RASGEF1C: variants seen among roughly 807,000 people sequenced by gnomAD.
The protein encoded by RASGEF1C is ras-GEF domain-containing family member 1C.
A neutral mutation model predicts 58.1 loss-of-function variants in RASGEF1C; 27 were observed. The observed-to-expected ratio is 0.46, with a 90% CI of 0.34 to 0.64. The LOEUF is 0.64. Ranked by LOEUF, RASGEF1C falls within the 30% of genes least tolerant of loss-of-function variation. RASGEF1C has a pLI of 0.01. For missense variants in RASGEF1C, 502 were observed against 605.1 expected, an observed-to-expected ratio of 0.83 and a Z score of 1.79; for synonymous variants, 243 against 246.3, an observed-to-expected ratio of 0.99 and a Z score of 0.13.
chr5:180,115,869 G>C (rs774108079), intron 10 of RASGEF1C, among the ~76,000 whole-genome samples: 1 of 152,124 alleles, frequency 6.6e-6, no homozygotes, highest in Non-Finnish European at 1.5e-5. Context: ...TCAGTGGTGG[G>C]GGGGGATTGT....
At chr5:180,142,703 G>T (rs1352776321) in intron 1 of RASGEF1C, among the ~76,000 whole-genome samples, 2 of 152,110 alleles carry the variant, frequency 1.3e-5, no homozygotes, top group South Asian at 2.1e-4. Flanking sequence ...AGGAGAGAAA[G>T]GTGCGGATGG....
chr5:180,186,802 C>T (rs1756050765), intron 1 of RASGEF1C, among the ~76,000 whole-genome samples: 1 of 152,140 alleles, frequency 6.6e-6, no homozygotes, highest in African/African-American at 2.4e-5. Flanking sequence ...CTCATCTCTA[C>T]TAAATATACA....
chr5:180,119,474 G>A (rs746151229), intron 7 of RASGEF1C, 26 bp from the exon 8 acceptor site: 1 of 1,569,492 alleles, frequency 6.4e-7, no homozygotes, highest in Non-Finnish European at 8.8e-7. Flanking sequence ...CAGAGCCTCA[G>A]TGGTGACACG....
chr5:180,137,994 G>C lies in RASGEF1C; in HGVS notation c.59C>G (p.Pro20Arg). ...CTGTTCGCCATCTGTGGGCTCGGTGGGGGGTGGGCTGAGGCTGCCTGGGGT... is the reference window on the plus strand; with the variant it reads ...CTGTTCGCCATCTGTGGGCTCGGTGCGGGGTGGGCTGAGGCTGCCTGGGGT... The part of the protein sequence containing the change: ...MVTPGSLSPP[P>R]TEPTDGEQAG... Residue 20 changes from proline (P) to arginine (R), a missense_variant, in exon 2 of 14, where the codon CCC becomes CGC. Pro to Arg is a moderately radical substitution (Grantham distance 103). Coordinates refer to ENST00000361132, the MANE Select transcript of RASGEF1C (RefSeq NM_175062.4). The surrounding 1 kb of genome is among the most constrained non-coding windows in gnomAD (Gnocchi z 4.1). The C allele has an allele frequency of 1.9e-6, 3 of 1,581,674 alleles. No individual in the cohort carries two copies. The highest frequency in any genetic ancestry group is 1.2e-5 in the South Asian group (1 of 86,648).
At chr5:180,142,535 C>T (rs1766596203) in intron 1 of RASGEF1C, among the ~76,000 whole-genome samples, 1 of 152,158 alleles carries the variant, frequency 6.6e-6, no homozygotes, top group African/African-American at 2.4e-5. Flanking sequence ...TAAATCCCAG[C>T]AGCGAACACT....
chr5:180,113,787 T>C (rs1766015849), intron 11 of RASGEF1C, among the ~76,000 whole-genome samples: 1 of 150,918 alleles, frequency 6.6e-6, no homozygotes. Context: ...GGATTGGGGA[T>C]GGATGGAGGG....
chr5:180,122,469 A>T (rs771888271), intron 6 of RASGEF1C, among the ~76,000 whole-genome samples: 28 of 152,248 alleles, frequency 1.8e-4, no homozygotes, highest in Non-Finnish European at 2.9e-4. Context: ...GGCCAAGCGC[A>T]GTGGCTCACG....
At chr5:180,161,068 A>G (rs1766936548) in intron 1 of RASGEF1C, among the ~76,000 whole-genome samples, 1 of 152,338 alleles carries the variant, frequency 6.6e-6, no homozygotes, top group Non-Finnish European at 1.5e-5. Context: ...TTCCCCATTC[A>G]CACAGGCCAG....
intron 1 of RASGEF1C, among the ~76,000 whole-genome samples, chr5:180,173,687 G>GT (rs199731604): frequency 0.031 from 4,751 of 152,190 alleles, 266 homozygotes; most frequent in African/African-American, 0.11. Context: ...GGCCAAGGTG[G>GT]GCAGATCACA....
At chr5:180,180,156 C>G (rs1443531531) in intron 1 of RASGEF1C, among the ~76,000 whole-genome samples, 1 of 152,164 alleles carries the variant, frequency 6.6e-6, no homozygotes, top group East Asian at 1.9e-4. Context: ...AAAAAGGCAG[C>G]GGGCACAGCT....
At chr5:180,124,952 G>C (rs13362442) in intron 6 of RASGEF1C, among the ~76,000 whole-genome samples, 36,124 of 151,966 alleles carry the variant, frequency 0.24, 4,406 homozygotes, top group South Asian at 0.32. Flanking sequence ...GGCAAACATG[G>C]AGAAACCCTG....
chr5:180,171,268 A>AGCAG (rs1767102455), intron 1 of RASGEF1C, among the ~76,000 whole-genome samples: 1 of 151,950 alleles, frequency 6.6e-6, no homozygotes, highest in Non-Finnish European at 1.5e-5. Flanking sequence ...AGGATCTGGA[A>AGCAG]GAAGTGTGAC....
At position 180,198,145 on chromosome 5, in the gene RASGEF1C, G is replaced by C. The variant is rs888559302; in HGVS notation, c.-7+10883C>G. Among the ~76,000 whole-genome samples, 22 of 152,334 alleles carry C rather than the reference G, an allele frequency of 1.4e-4. No homozygotes were observed. The highest frequency in any genetic ancestry group is 6.2e-4 in the South Asian group (3 of 4,828). ...GGGGCACCATTGGTGGCAGGACCCT[G>C]GGCAGTAAGGCCCTAAGGAAACTGG... On this transcript the variant is annotated intron_variant, in intron 1 of 13. Coordinates refer to ENST00000361132, the MANE Select transcript of RASGEF1C (RefSeq NM_175062.4). This position sits in a 1 kb window ranked among gnomAD's most constrained non-coding sequence, Gnocchi z 4.5.
chr5:180,194,868 G>A (rs1374565550), intron 1 of RASGEF1C, among the ~76,000 whole-genome samples: 1 of 152,206 alleles, frequency 6.6e-6, no homozygotes, highest in Non-Finnish European at 1.5e-5. Context: ...AGCGTGCTGA[G>A]TGACCTGCTG....
Position 180,101,246 on chromosome 5 carries a change from A to G in RASGEF1C, c.*255T>C, listed in dbSNP as rs1359004143. 1.8e-6 allele frequency: 1 copy of G among 559,904 alleles called. No individual in the cohort carries two copies. Among genetic ancestry groups the G allele is most frequent in the Non-Finnish European group, 3.2e-6 (1 of 313,058 alleles). The allele number at this position is 559,904 out of a possible 1,614,324, so 34.7% of individuals were successfully genotyped here. A position where few individuals can be genotyped will look rare whatever the true frequency, so the allele number is the denominator to read the frequency against. ...AGACTGACCAGGCCCCACGGTCCTG[A>G]AGGCAGGATGTCCCCAAGGCATGTG... is the stretch of plus-strand genomic sequence containing the variant. On this transcript the variant is annotated 3_prime_UTR_variant, in exon 14 of 14. Transcript: ENST00000361132.
chr5:180,165,335 G>C (rs1216014148), intron 1 of RASGEF1C, among the ~76,000 whole-genome samples: 1 of 152,092 alleles, frequency 6.6e-6, no homozygotes, highest in Non-Finnish European at 1.5e-5. Flanking sequence ...AGCAGGTTTA[G>C]GTTCATGGCA....
At position 180,117,661 on chromosome 5, in the gene RASGEF1C, A is replaced by T. The variant is rs114343131; in HGVS notation, c.1083+948T>A. On this transcript the variant is annotated intron_variant, in intron 10 of 13. Coordinates refer to ENST00000361132, the MANE Select transcript of RASGEF1C (RefSeq NM_175062.4). The stretch of plus-strand genomic sequence containing the variant: ...AGAATTTGGAGGAAAAATAAAATTG[A>T]TCAGGTCCGCAGAGGCTCCACAAAT... Among the ~76,000 whole-genome samples, 846 of 152,268 alleles carry T rather than the reference A, an allele frequency of 5.6e-3. 10 individuals carry two copies. The highest frequency in any genetic ancestry group is 8.2e-3 in the Non-Finnish European group (556 of 68,022).
At chr5:180,192,549 T>C in intron 1 of RASGEF1C, among the ~76,000 whole-genome samples, 1 of 152,164 alleles carries the variant, frequency 6.6e-6, no homozygotes, top group African/African-American at 2.4e-5. Context: ...GAAATCTATA[T>C]ATATAGATCA....
intron 6 of RASGEF1C, among the ~76,000 whole-genome samples, chr5:180,125,473 G>A (rs910194385): frequency 1.3e-5 from 2 of 152,182 alleles, no homozygotes; most frequent in African/African-American, 4.8e-5. Context: ...TTGTACCAGA[G>A]GTGCAAGTTA....
Sources: gnomAD v4.1 joint callset for allele counts (sites outside exome capture counted in the v4.1 genomes callset) on GRCh38, gnomAD v4.1.1 for gene constraint, Gnocchi (gnomAD v3.1) non-coding constraint, MANE v1.5 for transcripts, NCBI Gene and HGNC (gene_info 2026-07-23, HGNC 2026-07-21) for gene names.